Variants in UNC13A observed in about 807,000 individuals in gnomAD.
UNC13A encodes unc-13 homolog A, also known as protein unc-13 homolog A.
Under a neutral mutation model 219.7 loss-of-function variants are expected in UNC13A, and 61 were observed. The ratio of observed to expected loss-of-function variants is 0.28; its 90% CI spans 0.23 to 0.34. UNC13A has a LOEUF of 0.34. Ranked by LOEUF, UNC13A falls within the 10% of genes least tolerant of loss-of-function variation. UNC13A has a pLI of 1.00. For synonymous variants in UNC13A, 920 were observed against 884.6 expected (o/e 1.04, Z -0.71); for missense variants, 1,476 against 2,270.3 (o/e 0.65, Z 7.11).
chr19:17,677,489 A>G (rs1014814577), intron 1 of UNC13A, among the ~76,000 whole-genome samples: 3 of 151,438 alleles, frequency 2.0e-5, no homozygotes, highest in African/African-American at 7.3e-5. Context: ...TCAGCTTCCC[A>G]AGTAGCTGGG....
At chr19:17,677,016 A>C (rs1446428278) in intron 1 of UNC13A, among the ~76,000 whole-genome samples, 1 of 152,130 alleles carries the variant, frequency 6.6e-6, no homozygotes, top group Admixed American at 6.6e-5. Context: ...TCTTGTCTCA[A>C]CAACAACCAA....
Position 17,608,362 on chromosome 19 carries a change from T to C in UNC13A, c.4811+1578A>G, listed in dbSNP as rs922792529. Among the ~76,000 whole-genome samples the C allele has an allele frequency of 7.4e-3, 870 of 117,388 alleles. 25 individuals carry two copies. The highest frequency in any genetic ancestry group is 0.049 in the Admixed American group (478 of 9,772). The allele number at this position is 117,388 out of a possible 152,430, so 77.0% of individuals were successfully genotyped here. On this transcript the variant is annotated intron_variant, in intron 43 of 43. Transcript: ENST00000519716. ...TATATAATTTTATATATAATATAAA[T>C]ATATATTATATATGTATATAAATAT...
At chr19:17,683,439 C>A (rs1359082679) in intron 1 of UNC13A, among the ~76,000 whole-genome samples, 1 of 152,002 alleles carries the variant, frequency 6.6e-6, no homozygotes, top group Non-Finnish European at 1.5e-5. Context: ...CAAGACCAGC[C>A]TGGCCACTAG....
chr19:17,641,642 A>T, intron 20 of UNC13A, 86 bp from the exon 21 acceptor site: 3 of 1,353,224 alleles, frequency 2.2e-6, no homozygotes, highest in Non-Finnish European at 3.1e-6. Flanking sequence ...AGCTTACATC[A>T]TCCATCTGCC....
At chr19:17,681,177 C>G (rs1040463191) in intron 1 of UNC13A, among the ~76,000 whole-genome samples, 3 of 146,810 alleles carry the variant, frequency 2.0e-5, no homozygotes, top group African/African-American at 7.6e-5. Flanking sequence ...GAATTACAGG[C>G]GTGAACCACA....
In UNC13A at chr19:17,649,391, G is replaced by C; in HGVS notation, c.1519-47C>G. The C allele has an allele frequency of 6.2e-7, 1 of 1,611,958 alleles. No individual in the cohort carries two copies. Among genetic ancestry groups the C allele is most frequent in the Non-Finnish European group, 8.5e-7 (1 of 1,179,406 alleles). ...TGGGGGTAGAAATCAGACTACATTA[G>C]TCTCAGAGAATGCCTAGCTGGCCCC... On this transcript the variant is annotated intron_variant, in intron 13 of 43. Coordinates refer to ENST00000519716, the MANE Select transcript of UNC13A (RefSeq NM_001080421.3). The surrounding 1 kb of genome is among the most constrained non-coding windows in gnomAD (Gnocchi z 4.4).
At chr19:17,616,570 A>C in intron 41 of UNC13A, 3 of 461,592 alleles carry the variant, frequency 6.5e-6, no homozygotes, top group Non-Finnish European at 8.0e-6. Context: ...TGGAGGGGGC[A>C]GGGGAGGCGC....
chr19:17,676,224 T>A (rs529503144), intron 1 of UNC13A, 183 bp from the exon 2 acceptor site: 30 of 723,740 alleles, frequency 4.1e-5, no homozygotes, highest in Middle Eastern at 2.4e-4. Flanking sequence ...AGAAGCAATG[T>A]CAGAGACAGA....
chr19:17,604,892 T>C lies in UNC13A; in HGVS notation c.*1162A>G, dbSNP rs958962927. The C allele has an allele frequency of 2.0e-5, 3 of 152,466 alleles. No individual in the cohort carries two copies. The highest frequency in any genetic ancestry group is 7.2e-5 in the African/African-American group (3 of 41,420). 9.4% of individuals were successfully genotyped at this position (152,466 alleles called of 1,614,324 possible). On this transcript the variant is annotated 3_prime_UTR_variant, in exon 44 of 44. Transcript: ENST00000519716. The stretch of plus-strand genomic sequence containing the variant: ...CTCTCTCATTCTCTTTCTCTCATTC[T>C]CTTTCTCCCCCCTAGAGTTTCTGGT...
intron 41 of UNC13A, chr19:17,616,476 TG>T (rs1296047432): frequency 9.4e-5 from 18 of 192,036 alleles, no homozygotes; most frequent in Middle Eastern, 5.0e-4. Flanking sequence ...TAATTGGGGG[TG>T]GGGGTGGAAG....
chr19:17,626,350 A>G (rs1004799363), intron 34 of UNC13A: 15 of 359,988 alleles, frequency 4.2e-5, no homozygotes, highest in Non-Finnish European at 7.1e-5. Context: ...CTATCCTTCT[A>G]AACATTTATC....
intron 15 of UNC13A, 114 bp downstream of exon 15, chr19:17,648,798 C>G (rs1436217648): frequency 1.3e-6 from 2 of 1,481,864 alleles, no homozygotes; most frequent in Admixed American, 4.3e-5. Context: ...TTCTGCCAGT[C>G]TGTGTCACAC....
intron 1 of UNC13A, among the ~76,000 whole-genome samples, chr19:17,686,800 T>G: frequency 6.6e-6 from 1 of 151,428 alleles, no homozygotes; most frequent in Non-Finnish European, 1.5e-5. Flanking sequence ...GGGGCAGGGT[T>G]TGTGAATGAA....
rs536026512 is a variant in UNC13A, at chr19:17,626,241, T to C, written c.4073+392A>G. On this transcript the variant is annotated intron_variant, in intron 34 of 43. Transcript: ENST00000519716. Reference sequence around the variant, plus strand: ...CCAGCCTGCCAGACATCCATCCATCTAAGCATCAATCCATCTATGCATCAA... The same window carrying C: ...CCAGCCTGCCAGACATCCATCCATCCAAGCATCAATCCATCTATGCATCAA... 17 of 164,022 alleles carry C rather than the reference T, an allele frequency of 1.0e-4. No homozygotes were observed. The South Asian group carries it at 3.1e-3, about 30-fold the overall frequency. 10.2% of individuals were successfully genotyped at this position (164,022 alleles called of 1,614,324 possible).
chr19:17,687,198 G>T (rs1182914331), intron 1 of UNC13A, among the ~76,000 whole-genome samples: 1 of 152,158 alleles, frequency 6.6e-6, no homozygotes. Context: ...GTGGGGTGGG[G>T]GGTCATGCCC....
Position 17,639,502 on chromosome 19 carries a change from C to T in UNC13A, c.2880G>A (p.Pro960=), listed in dbSNP as rs761515666. ...MYRNNFPASS[P]ERLQDLKSTV... ...TGGATTTGAGGTCCTGGAGTCTCTC[C>T]GGGCTGCTGGCTGGGAAGTTATTCT... is the stretch of plus-strand genomic sequence containing the variant. Residue 960 remains proline (P), a synonymous_variant, in exon 24 of 44, where the codon CCG becomes CCA. Coordinates refer to ENST00000519716, the MANE Select transcript of UNC13A (RefSeq NM_001080421.3). The T allele has an allele frequency of 2.3e-5, 37 of 1,613,188 alleles. No individual in the cohort carries two copies. Among genetic ancestry groups the T allele is most frequent in the East Asian group, 1.6e-4 (7 of 44,898 alleles).
At chr19:17,608,480 T>C in intron 43 of UNC13A, among the ~76,000 whole-genome samples, 1 of 138,354 alleles carries the variant, frequency 7.2e-6, no homozygotes, top group East Asian at 2.0e-4. Flanking sequence ...ATTTTATATA[T>C]AATTATATAA....
chr19:17,616,487 G>T, intron 41 of UNC13A: 2 of 677,668 alleles, frequency 3.0e-6, no homozygotes, highest in South Asian at 1.5e-5. Flanking sequence ...GGGGGTGGAA[G>T]GGGGAGAGAG....
intron 19 of UNC13A, among the ~76,000 whole-genome samples, chr19:17,645,267 C>T (rs1302883186): frequency 1.3e-5 from 2 of 151,950 alleles, no homozygotes; most frequent in Non-Finnish European, 2.9e-5. Flanking sequence ...CCTCAGCTTC[C>T]CAAAGTGCTG....
Sources: gnomAD v4.1 joint callset for allele counts (sites outside exome capture counted in the v4.1 genomes callset) on GRCh38, gnomAD v4.1.1 for gene constraint, Gnocchi (gnomAD v3.1) non-coding constraint, MANE v1.5 for transcripts, NCBI Gene and HGNC (gene_info 2026-07-23, HGNC 2026-07-21) for gene names.